Variants in GFRAL observed in about 807,000 individuals in gnomAD.
GFRAL encodes the protein GDNF family receptor alpha like, also known as GDNF family receptor alpha-like.
A neutral mutation model predicts 45.4 loss-of-function variants in GFRAL; 36 were observed. That is an observed-to-expected ratio of 0.79 (90% CI 0.61 to 1.05). The LOEUF (loss-of-function observed/expected upper bound fraction) is 1.05, where lower values mean the gene tolerates loss of function less well. GFRAL is among the 50% of genes least tolerant of loss of function. GFRAL has a pLI of 0.00. For missense variants in GFRAL, 507 were observed against 467.5 expected, an observed-to-expected ratio of 1.08 and a Z score of -0.78; for synonymous variants, 166 against 154.1, an observed-to-expected ratio of 1.08 and a Z score of -0.57.
intron 6 of GFRAL, among the ~76,000 whole-genome samples, chr6:55,398,198 A>G (rs751172809): frequency 1.3e-5 from 2 of 152,200 alleles, no homozygotes; most frequent in Non-Finnish European, 1.5e-5. Flanking sequence ...TGTTGTCACT[A>G]GTTTTCATCG....
intron 6 of GFRAL, among the ~76,000 whole-genome samples, chr6:55,369,311 T>C (rs1212419240): frequency 6.6e-6 from 1 of 152,128 alleles, no homozygotes; most frequent in African/African-American, 2.4e-5. Flanking sequence ...TCACGCAAGG[T>C]GCGCGCACCC....
At chr6:55,385,294 T>C (rs1016550189) in intron 6 of GFRAL, among the ~76,000 whole-genome samples, 3 of 152,070 alleles carry the variant, frequency 2.0e-5, no homozygotes, top group African/African-American at 7.2e-5. Context: ...ACTGAAGCTA[T>C]AAAAGATGTA....
In GFRAL at chr6:55,333,948, ATATTT is replaced by A; in HGVS notation, c.316+6_316+10del. 1 of 1,510,154 alleles carries A rather than the reference ATATTT, an allele frequency of 6.6e-7. No individual in the cohort carries two copies. The highest frequency in any genetic ancestry group is 8.9e-7 in the Non-Finnish European group (1 of 1,118,000). 93.5% of individuals were successfully genotyped at this position (1,510,154 alleles called of 1,614,324 possible). A position where few individuals can be genotyped will look rare whatever the true frequency, so the allele number is the denominator to read the frequency against. On this transcript the variant is annotated splice_donor_5th_base_variant and intron_variant, in intron 3 of 8. Coordinates refer to ENST00000340465, the MANE Select transcript of GFRAL (RefSeq NM_207410.2). ...AAAAAATGTATCAATAAATCAGGTAATATTTTGTTTTAAGAAATGTTTATAGTCAT... is the reference window on the plus strand; with the variant it reads ...AAAAAATGTATCAATAAATCAGGTAATGTTTTAAGAAATGTTTATAGTCAT...
At chr6:55,345,137 A>G (rs948910017) in intron 3 of GFRAL, among the ~76,000 whole-genome samples, 1 of 152,196 alleles carries the variant, frequency 6.6e-6, no homozygotes, top group Non-Finnish European at 1.5e-5. Flanking sequence ...TATAGATTCA[A>G]TGCCATCCCC....
chr6:55,333,873 A>G lies in GFRAL; in HGVS notation c.245A>G (p.Glu82Gly), dbSNP rs769785085. 32 of 1,611,120 alleles carry G rather than the reference A, an allele frequency of 2.0e-5. No individual in the cohort carries two copies. The South Asian group carries it at 2.9e-4, about 14-fold the overall frequency. Reference sequence around the variant, plus strand: ...GTGGAAAGCAATTTCCAATTTAAAGAGTGTCTTTGCACTGATGACTTCTAT... The same window carrying G: ...GTGGAAAGCAATTTCCAATTTAAAGGGTGTCTTTGCACTGATGACTTCTAT... ...YLVESNFQFK[E>G]CLCTDDFYCT... Residue 82 changes from glutamate (E) to glycine (G), a missense_variant, in exon 3 of 9, where the codon GAG (glutamate) becomes GGG (glycine). Transcript: ENST00000340465.
At chr6:55,333,132 A>T (rs1475095702) in intron 2 of GFRAL, among the ~76,000 whole-genome samples, 1 of 152,134 alleles carries the variant, frequency 6.6e-6, no homozygotes, top group Admixed American at 6.5e-5. Context: ...AATTGCAATA[A>T]TATTTGCATA....
At chr6:55,399,478 G>A (rs372028331) in intron 8 of GFRAL, 37 bp downstream of exon 8, 3 of 1,336,570 alleles carry the variant, frequency 2.2e-6, no homozygotes, top group South Asian at 1.2e-5. Flanking sequence ...GGTCTGAAAG[G>A]GAGTCACTTA....
intron 6 of GFRAL, among the ~76,000 whole-genome samples, chr6:55,386,041 C>T (rs75877309): frequency 0.014 from 2,073 of 152,028 alleles, 42 homozygotes; most frequent in African/African-American, 0.046. Context: ...GACAAGTAGC[C>T]CACCAATAAC....
chr6:55,379,983 CA>C (rs1242404904), intron 6 of GFRAL, among the ~76,000 whole-genome samples: 1 of 151,668 alleles, frequency 6.6e-6, no homozygotes, highest in Non-Finnish European at 1.5e-5. Flanking sequence ...TAAAAAAATT[CA>C]TTTTTTTCCA....
intron 6 of GFRAL, among the ~76,000 whole-genome samples, chr6:55,398,129 C>G (rs1768850916): frequency 6.6e-6 from 1 of 152,134 alleles, no homozygotes; most frequent in African/African-American, 2.4e-5. Flanking sequence ...CAGTGCATAT[C>G]CCCATCATTA....
At chr6:55,397,466 C>T (rs1457970199) in intron 6 of GFRAL, among the ~76,000 whole-genome samples, 1 of 117,912 alleles carries the variant, frequency 8.5e-6, no homozygotes, top group Non-Finnish European at 1.7e-5. Flanking sequence ...TGCAGTGAGC[C>T]GAGATTGCGC....
intron 6 of GFRAL, among the ~76,000 whole-genome samples, chr6:55,371,955 T>A (rs1768457280): frequency 6.6e-6 from 1 of 152,182 alleles, no homozygotes; most frequent in Admixed American, 6.5e-5. Flanking sequence ...AATTTCCTTT[T>A]CTCTAACAGG....
At chr6:55,379,084 G>C (rs1502196) in intron 6 of GFRAL, among the ~76,000 whole-genome samples, 67,240 of 151,736 alleles carry the variant, frequency 0.44, 15,180 homozygotes, top group South Asian at 0.58. Context: ...CTGAGAGCTT[G>C]AATGAGATTA....
intron 6 of GFRAL, among the ~76,000 whole-genome samples, chr6:55,374,139 C>T (rs1329303171): frequency 6.6e-6 from 1 of 152,096 alleles, no homozygotes; most frequent in East Asian, 1.9e-4. Context: ...TTTCTTTATC[C>T]AGTCTATCAT....
chr6:55,331,750 C>G lies in GFRAL; in HGVS notation c.58C>G (p.Gln20Glu). Residue 20 changes from glutamine to glutamate, a missense_variant, in exon 2 of 9, where the codon CAA becomes GAA. Gln to Glu is a conservative substitution (Grantham distance 29, BLOSUM62 2). Transcript: ENST00000340465. Reference protein sequence around the residue: ...GLSLENEYTSQTNNCTYLREQ... With the variant: ...GLSLENEYTSETNNCTYLREQ... ...AAGCTTGGAAAATGAATACACTTCC[C>G]AAACCAATAATTGCACATATTTAAG... The G allele has an allele frequency of 6.2e-7, 1 of 1,610,834 alleles. No homozygotes were observed. The highest frequency in any genetic ancestry group is 8.5e-7 in the Non-Finnish European group (1 of 1,178,650).
Position 55,378,873 on chromosome 6 carries a change from T to G in GFRAL, c.952+19735T>G, listed in dbSNP as rs544660187. Among the ~76,000 whole-genome samples, 212 of 152,154 alleles carry G rather than the reference T, an allele frequency of 1.4e-3. 1 individual carries two copies. The highest frequency in any genetic ancestry group is 0.014 in the Admixed American group (207 of 15,270). ...CTCTGTGAGTGTTTGTAGTCATCTG[T>G]GCATGGACAGTAAACACTGATATAC... On this transcript the variant is annotated intron_variant, in intron 6 of 8. Transcript: ENST00000340465.
intron 3 of GFRAL, among the ~76,000 whole-genome samples, chr6:55,337,099 C>T (rs1450958816): frequency 6.6e-6 from 1 of 151,854 alleles, no homozygotes; most frequent in African/African-American, 2.4e-5. Flanking sequence ...AGTACTAGAA[C>T]TTATTCCTTC....
In GFRAL at chr6:55,359,000, A is replaced by G. The variant is rs1475301678; in HGVS notation, c.814A>G (p.Ser272Gly). ...CAAACAGGACCTCACTTGTTCAGGA[A>G]GTGATGACTGCAAAGCTGCTTACAT... ...LSKQDLTCSG[S>G]DDCKAAYIDI... Residue 272 changes from serine (S) to glycine (G), a missense_variant, in exon 6 of 9, where the codon AGT (serine) becomes GGT (glycine). Physicochemically the swap from Ser to Gly is moderately conservative, Grantham distance 56. Coordinates refer to ENST00000340465, the MANE Select transcript of GFRAL (RefSeq NM_207410.2). The G allele has an allele frequency of 1.9e-6, 3 of 1,613,042 alleles. No homozygotes were observed. The African/African-American group carries it at 4.0e-5, about 22-fold the overall frequency.
At chr6:55,337,810 T>C (rs1767911228) in intron 3 of GFRAL, among the ~76,000 whole-genome samples, 1 of 152,190 alleles carries the variant, frequency 6.6e-6, no homozygotes, top group African/African-American at 2.4e-5. Flanking sequence ...TGATAATTTG[T>C]ATAATTTGTG....
Sources: allele counts gnomAD v4.1 joint callset (sites outside exome capture counted in the v4.1 genomes callset), GRCh38; gene constraint gnomAD v4.1.1; transcripts MANE v1.5; gene names NCBI Gene and HGNC (gene_info 2026-07-23, HGNC 2026-07-21).